The following ZNF503 variants were observed in gnomAD, a reference collection of about 807,000 sequenced individuals.
ZNF503 encodes the protein zinc finger protein 503, also known as NocA-like zinc finger 2.
Under a neutral mutation model 34.4 loss-of-function variants are expected in ZNF503, and 15 were observed. That is an observed-to-expected ratio of 0.44 (90% CI 0.29 to 0.67). ZNF503 has a LOEUF of 0.67. Among genes scored for constraint, ZNF503 ranks in the 30% least tolerant of loss-of-function variants. The pLI, the probability that ZNF503 is intolerant of heterozygous loss-of-function variation, is 0.13. For synonymous variants in ZNF503, 580 were observed against 456.8 expected (o/e 1.27, Z -3.44); for missense variants, 1,007 against 926.8 (o/e 1.09, Z -1.12).
chr10:75,288,389 ACATGTC>A, the ZNF503 span: 1 of 152,398 alleles, frequency 6.6e-6, no homozygotes, highest in Non-Finnish European at 1.5e-5. Flanking sequence ...CAGTTGGGCT[ACATGTC>A]CAAGGCCTTT....
chr10:75,307,179 T>C, the ZNF503 span, among the ~76,000 whole-genome samples: 1 of 152,194 alleles, frequency 6.6e-6, no homozygotes, highest in African/African-American at 2.4e-5. Flanking sequence ...TTGCACCAGA[T>C]AGTTAGCCAC....
the ZNF503 span, among the ~76,000 whole-genome samples, chr10:75,302,740 C>A: frequency 6.6e-6 from 1 of 152,304 alleles, no homozygotes; most frequent in African/African-American, 2.4e-5. Flanking sequence ...ATTGATGGAG[C>A]CACTGGTCCT....
At chr10:75,385,790 C>T in the ZNF503 span, among the ~76,000 whole-genome samples, 1 of 152,056 alleles carries the variant, frequency 6.6e-6, no homozygotes, top group Non-Finnish European at 1.5e-5. Flanking sequence ...GAAAATACAA[C>T]TGGCAGAATG....
the ZNF503 span, among the ~76,000 whole-genome samples, chr10:75,378,194 G>A: frequency 6.6e-6 from 1 of 152,078 alleles, no homozygotes; most frequent in Non-Finnish European, 1.5e-5. Context: ...TTCAACATGA[G>A]ATTTGGGTGA....
rs773221751 is a variant in ZNF503 at position 75,400,031 on chromosome 10, T to C, written c.659A>G (p.Gln220Arg). 7.5e-6 allele frequency: 12 copies of C among 1,600,906 alleles called. No homozygotes were observed. Among genetic ancestry groups the C allele is most frequent in the African/African-American group, 6.7e-5 (5 of 74,746 alleles). Residue 220 changes from glutamine to arginine, a missense_variant, in exon 2 of 2, where the codon CAG becomes CGG. Transcript: ENST00000372524. Reference protein sequence around the residue: ...SGFRVPSATCQPFTPRTGSPS... With the variant: ...SGFRVPSATCRPFTPRTGSPS... ...GCTGCCTGTCCTGGGCGTGAATGGC[T>C]GGCAGGTGGCGCTCGGTACCCGGAA... is the stretch of plus-strand genomic sequence containing the variant.
the ZNF503 span, among the ~76,000 whole-genome samples, chr10:75,355,226 CA>C: frequency 6.6e-6 from 1 of 152,216 alleles, no homozygotes; most frequent in Non-Finnish European, 1.5e-5. Flanking sequence ...AACCTTGAGA[CA>C]AGGAGAGTTA....
At chr10:75,395,516 C>T (rs563095221), downstream of ZNF503, among the ~76,000 whole-genome samples, 17 of 152,170 alleles carry the variant, frequency 1.1e-4, no homozygotes, top group Middle Eastern at 3.4e-3. The surrounding 1 kb of genome is among the most constrained non-coding windows in gnomAD (Gnocchi z 4.4). Context: ...GCGCTCCGCC[C>T]GGGCTCCAGC....
chr10:75,401,745 G>A lies in ZNF503; in HGVS notation c.-326C>T, dbSNP rs1200689835. 2.8e-6 allele frequency: 1 copy of A among 360,846 alleles called. No homozygotes were observed. The highest frequency in any genetic ancestry group is 5.1e-5 in the Admixed American group (1 of 19,676). The allele number at this position is 360,846 out of a possible 1,614,324, so 22.4% of individuals were successfully genotyped here. ...GCTGCGCTCTGCGATGCGAGCCGCT[G>A]CGTGTCCAGCCGGGGCTCTGGCGAG... On this transcript the variant is annotated 5_prime_UTR_variant, in exon 1 of 2. Coordinates refer to ENST00000372524, the MANE Select transcript of ZNF503 (RefSeq NM_032772.6).
the ZNF503 span, among the ~76,000 whole-genome samples, chr10:75,348,799 A>T: frequency 6.6e-6 from 1 of 152,318 alleles, no homozygotes; most frequent in Middle Eastern, 3.4e-3. Context: ...GGCGTGAGCC[A>T]CCGCACCCGG....
At chr10:75,396,386 G>A (rs1422320858), downstream of ZNF503, among the ~76,000 whole-genome samples, 1 of 152,204 alleles carries the variant, frequency 6.6e-6, no homozygotes, top group Non-Finnish European at 1.5e-5. This position sits in a 1 kb window ranked among gnomAD's most constrained non-coding sequence, Gnocchi z 4.4. Context: ...TCCCCACCAA[G>A]TCAGTTCCAG....
rs1430511883 is a variant in ZNF503, at chr10:75,400,349, G to A, written c.341C>T (p.Ala114Val). 3 of 1,610,146 alleles carry A rather than the reference G, an allele frequency of 1.9e-6. No homozygotes were observed. The highest frequency in any genetic ancestry group is 2.5e-6 in the Non-Finnish European group (3 of 1,177,732). The change falls in exon 2 of 2, where the codon GCG becomes GTG. Residue 114 changes from alanine to valine, a missense_variant. By Grantham distance (64) the Ala-to-Val change is moderately conservative (BLOSUM62 0). Transcript: ENST00000372524. ...CTGCGAACATGTTTGCGCCAACAGC[G>A]CCAGCGGGCTCTTCTTGGCATCGAG... ...IELDAKKSPLALLAQTCSQIG... is the reference protein window; with the variant it reads ...IELDAKKSPLVLLAQTCSQIG...
At chr10:75,320,893 T>C in the ZNF503 span, among the ~76,000 whole-genome samples, 6 of 152,162 alleles carry the variant, frequency 3.9e-5, no homozygotes, top group Non-Finnish European at 8.8e-5. Flanking sequence ...TCATTCATGG[T>C]ATAGTTTTGC....
the ZNF503 span, among the ~76,000 whole-genome samples, chr10:75,390,814 T>C: frequency 1.3e-5 from 2 of 152,130 alleles, no homozygotes; most frequent in East Asian, 1.9e-4. Context: ...CAAAATACCA[T>C]AGACTGAGAG....
the ZNF503 span, among the ~76,000 whole-genome samples, chr10:75,360,114 CTTTTT>C: frequency 3.7e-5 from 4 of 108,488 alleles, no homozygotes; most frequent in East Asian, 1.2e-3. Context: ...CCAAAGGTTT[CTTTTT>C]TTTTTTTTTT....
the ZNF503 span, among the ~76,000 whole-genome samples, chr10:75,294,253 A>G: frequency 6.6e-6 from 1 of 152,192 alleles, no homozygotes; most frequent in Non-Finnish European, 1.5e-5. Context: ...CAGACCAGAC[A>G]TCAGATCTCA....
chr10:75,292,169 G>A, the ZNF503 span, among the ~76,000 whole-genome samples: 3 of 152,218 alleles, frequency 2.0e-5, no homozygotes, highest in Non-Finnish European at 2.9e-5. Context: ...GGCCATCACA[G>A]CCCTCCTTGT....
the ZNF503 span, among the ~76,000 whole-genome samples, chr10:75,340,195 G>A: frequency 3.3e-5 from 5 of 151,284 alleles, no homozygotes; most frequent in East Asian, 2.0e-4. Flanking sequence ...GCAGTGAGCC[G>A]TGATCACACC....
chr10:75,333,355 G>A, the ZNF503 span, among the ~76,000 whole-genome samples: 32 of 42,550 alleles, frequency 7.5e-4, no homozygotes, highest in African/African-American at 3.6e-3. Flanking sequence ...CAGTAGGGGC[G>A]GCCGGGCAGA....
the ZNF503 span, among the ~76,000 whole-genome samples, chr10:75,380,947 G>A: frequency 8.5e-5 from 13 of 152,236 alleles, no homozygotes; most frequent in South Asian, 2.1e-4. Context: ...CATGGCATTC[G>A]CGGGAATTAT....
Sources: allele counts gnomAD v4.1 joint callset (sites outside exome capture counted in the v4.1 genomes callset), GRCh38; gene constraint gnomAD v4.1.1; non-coding constraint Gnocchi (gnomAD v3.1); transcripts MANE v1.5; gene names NCBI Gene and HGNC (gene_info 2026-07-23, HGNC 2026-07-21).